Variants in MAPKBP1 observed in about 807,000 individuals in gnomAD.
MAPKBP1 encodes the protein mitogen-activated protein kinase-binding protein 1.
MAPKBP1 carries 71 observed loss-of-function variants against 170.5 expected under a neutral mutation model. The observed-to-expected ratio is 0.42, with a 90% CI of 0.34 to 0.51. The LOEUF (loss-of-function observed/expected upper bound fraction) is 0.51. Ranked by LOEUF, MAPKBP1 falls within the 20% of genes least tolerant of loss-of-function variation. The probability of loss-of-function intolerance (pLI) is 0.06; values close to 1 mark genes in which losing one functional copy is unlikely to be tolerated. For missense variants in MAPKBP1, 1,598 were observed against 1,933.0 expected (o/e 0.83, Z 3.25); for synonymous variants, 719 against 757.9 (o/e 0.95, Z 0.84).
chr15:41,792,522 G>T (rs1406445121), intron 2 of MAPKBP1, among the ~76,000 whole-genome samples: 1 of 152,218 alleles, frequency 6.6e-6, no homozygotes, highest in Non-Finnish European at 1.5e-5. Context: ...TGCATTCTGG[G>T]TGTGGAGGAG....
At position 41,825,570 on chromosome 15, in the gene MAPKBP1, C is replaced by A; in HGVS notation, c.*134C>A. The A allele has an allele frequency of 1.4e-6, 1 of 696,082 alleles. No homozygotes were observed. Among genetic ancestry groups the A allele is most frequent in the Non-Finnish European group, 2.3e-6 (1 of 432,050 alleles). 43.1% of individuals were successfully genotyped at this position (696,082 alleles called of 1,614,324 possible). A position where few individuals can be genotyped will look rare whatever the true frequency, so the allele number is the denominator to read the frequency against. On this transcript the variant is annotated 3_prime_UTR_variant, in exon 31 of 31. Transcript: ENST00000457542. ...AGTGTTCAGAGGCAAAGCAGCCTTC[C>A]CAGCCGCTCCTCGTGGGGGGCCTGT...
At position 41,813,106 on chromosome 15, in the gene MAPKBP1, G is replaced by T; in HGVS notation, c.819+5G>T. 6.3e-7 allele frequency: 1 copy of T among 1,595,580 alleles called. No homozygotes were observed. The highest frequency in any genetic ancestry group is 8.5e-7 in the Non-Finnish European group (1 of 1,170,862). On this transcript the variant is annotated splice_donor_5th_base_variant and intron_variant, in intron 8 of 30. Coordinates refer to ENST00000457542, the MANE Select transcript of MAPKBP1 (RefSeq NM_014994.3). ...GACAAGTGGGTGGAGCTGAGGGTAAGTACCTCCGTCCCCAGGGGTAGGGTC... is the reference window on the plus strand; with the variant it reads ...GACAAGTGGGTGGAGCTGAGGGTAATTACCTCCGTCCCCAGGGGTAGGGTC...
At position 41,825,201 on chromosome 15, in the gene MAPKBP1, T is replaced by C; in HGVS notation, c.4300-8T>C. 6 of 1,574,596 alleles carry C rather than the reference T, an allele frequency of 3.8e-6. No homozygotes were observed. The highest frequency in any genetic ancestry group is 5.2e-6 in the Non-Finnish European group (6 of 1,153,016). ...TCCTCCACCTCACTTCTGGGGGTGC[T>C]ATTTCAGGTGGCTGGCTGCAAGATG... is the stretch of plus-strand genomic sequence containing the variant. On this transcript the variant is annotated splice_polypyrimidine_tract_variant and splice_region_variant and intron_variant, in intron 30 of 30. Transcript: ENST00000457542.
chr15:41,797,560 C>T (rs1293255791), intron 2 of MAPKBP1, among the ~76,000 whole-genome samples: 1 of 152,110 alleles, frequency 6.6e-6, no homozygotes. Context: ...GCTCTCCAGT[C>T]AGTAATAGGT....
intron 22 of MAPKBP1, among the ~76,000 whole-genome samples, chr15:41,820,271 G>A (rs940423150): frequency 5.9e-5 from 9 of 152,162 alleles, no homozygotes; most frequent in East Asian, 1.9e-4. Context: ...CACCCTGACC[G>A]GGCCAGGGGT....
At chr15:41,796,005 A>G (rs1208746382) in intron 2 of MAPKBP1, among the ~76,000 whole-genome samples, 2 of 152,232 alleles carry the variant, frequency 1.3e-5, no homozygotes, top group Non-Finnish European at 1.5e-5. Context: ...TGGGTGTTAC[A>G]GTCCAAGTGA....
intron 2 of MAPKBP1, among the ~76,000 whole-genome samples, chr15:41,798,217 T>C (rs1596075434): frequency 8.6e-6 from 1 of 116,462 alleles, no homozygotes; most frequent in African/African-American, 3.4e-5. Flanking sequence ...GCCACTGCAC[T>C]CCAGCCTGGG....
At chr15:41,800,557 ACTC>A (rs1298994222) in intron 3 of MAPKBP1, among the ~76,000 whole-genome samples, 2 of 151,876 alleles carry the variant, frequency 1.3e-5, no homozygotes, top group Non-Finnish European at 2.9e-5. Flanking sequence ...CTGGTGTTGA[ACTC>A]CTGAGCTCAA....
Position 41,825,739 on chromosome 15 carries a change from T to G in MAPKBP1, c.*303T>G. The G allele has an allele frequency of 3.1e-6, 1 of 325,158 alleles. No individual in the cohort carries two copies. Among genetic ancestry groups the G allele is most frequent in the Non-Finnish European group, 5.7e-6 (1 of 175,526 alleles). The allele number at this position is 325,158 out of a possible 1,614,324, so 20.1% of individuals were successfully genotyped here. ...GAGGGCAGCCTGCCCCATCTAGGAA[T>G]CTGGGAAGGGCTGGCCCTCTCTTAG... On this transcript the variant is annotated 3_prime_UTR_variant, in exon 31 of 31. Transcript: ENST00000457542.
In MAPKBP1 at chr15:41,802,324, A is replaced by G. The variant is rs568667455; in HGVS notation, c.206+2410A>G. Among the ~76,000 whole-genome samples, 21 of 152,260 alleles carry G rather than the reference A, an allele frequency of 1.4e-4. No homozygotes were observed. In the South Asian group the frequency reaches 4.4e-3, roughly 32 times the overall value. On this transcript the variant is annotated intron_variant, in intron 3 of 30. Transcript: ENST00000457542. ...AAACACTGTACACTTGGCCATACTAAATTTATTTTAAAAACATACATTCAA... is the reference window on the plus strand; with the variant it reads ...AAACACTGTACACTTGGCCATACTAGATTTATTTTAAAAACATACATTCAA...
chr15:41,827,845 T>C lies in MAPKBP1; in HGVS notation c.*2409T>C, dbSNP rs778574795. The stretch of plus-strand genomic sequence containing the variant: ...TGTATGAACTTGTCAATAAACACAA[T>C]TGTTTGTTAACCCTGGGATGCCGGC... On this transcript the variant is annotated 3_prime_UTR_variant, in exon 31 of 31. Coordinates refer to ENST00000457542, the MANE Select transcript of MAPKBP1 (RefSeq NM_014994.3). The C allele has an allele frequency of 3.9e-5, 16 of 406,942 alleles. No individual in the cohort carries two copies. The highest frequency in any genetic ancestry group is 7.0e-5 in the Non-Finnish European group (16 of 230,142). The allele number at this position is 406,942 out of a possible 1,614,324, so 25.2% of individuals were successfully genotyped here. A position where few individuals can be genotyped will look rare whatever the true frequency, so the allele number is the denominator to read the frequency against.
chr15:41,810,327 G>T (rs1211168845), intron 3 of MAPKBP1, among the ~76,000 whole-genome samples: 1 of 152,090 alleles, frequency 6.6e-6, no homozygotes, highest in Non-Finnish European at 1.5e-5. Context: ...GGGCCTGGCT[G>T]GGGGGACAGG....
Position 41,825,510 on chromosome 15 carries a change from A to G in MAPKBP1, c.*74A>G. ...TGCAGCCCCTCTGCCCCTCACCAAA[A>G]CCTGCGGGGCTGCTTGGAGTGGAAA... On this transcript the variant is annotated 3_prime_UTR_variant, in exon 31 of 31. Transcript: ENST00000457542. The G allele has an allele frequency of 2.2e-6, 3 of 1,337,334 alleles. No homozygotes were observed. Among genetic ancestry groups the G allele is most frequent in the Non-Finnish European group, 3.1e-6 (3 of 979,382 alleles). The allele number at this position is 1,337,334 out of a possible 1,614,324, so 82.8% of individuals were successfully genotyped here. A position where few individuals can be genotyped will look rare whatever the true frequency, so the allele number is the denominator to read the frequency against.
chr15:41,787,407 G>T (rs756064048), intron 2 of MAPKBP1, among the ~76,000 whole-genome samples: 1 of 151,522 alleles, frequency 6.6e-6, no homozygotes, highest in Non-Finnish European at 1.5e-5. Flanking sequence ...TCGCTCTGTC[G>T]CCCAGGCTAG....
chr15:41,821,491 G>T, intron 23 of MAPKBP1, 93 bp from the exon 24 acceptor site: 1 of 1,187,464 alleles, frequency 8.4e-7, no homozygotes, highest in Non-Finnish European at 1.2e-6. Flanking sequence ...CCAAGGGGAG[G>T]GTTGGCCCCC....
Position 41,811,109 on chromosome 15 carries a change from G to C in MAPKBP1, c.270-69G>C, listed in dbSNP as rs943138041. The C allele has an allele frequency of 5.7e-6, 9 of 1,590,582 alleles. No individual in the cohort carries two copies. In the African/African-American group the frequency reaches 1.2e-4, roughly 21 times the overall value. On this transcript the variant is annotated intron_variant, in intron 4 of 30. Coordinates refer to ENST00000457542, the MANE Select transcript of MAPKBP1 (RefSeq NM_014994.3). Reference sequence around the variant, plus strand: ...GGTGTCTGCTGGTCTCACCTTTTGAGAGGCTGGGAGGGGGCTAGGCTTAGG... The same window carrying C: ...GGTGTCTGCTGGTCTCACCTTTTGACAGGCTGGGAGGGGGCTAGGCTTAGG...
rs1567152868 is a variant in MAPKBP1, at chr15:41,818,786, T to C, written c.2157-37T>C. ...AACGAATGGCGCTAGCCATTCTACC[T>C]GCCCCTCCTTCAGCCAACTGTGTGG... On this transcript the variant is annotated intron_variant, in intron 19 of 30. Transcript: ENST00000457542. The surrounding 1 kb of genome is among the most constrained non-coding windows in gnomAD (Gnocchi z 5.2). 6.2e-7 allele frequency: 1 copy of C among 1,610,548 alleles called. No individual in the cohort carries two copies. The highest frequency in any genetic ancestry group is 1.1e-5 in the South Asian group (1 of 91,014).
chr15:41,798,178 A>G (rs1596075379), intron 2 of MAPKBP1, among the ~76,000 whole-genome samples: 2 of 129,898 alleles, frequency 1.5e-5, no homozygotes, highest in African/African-American at 5.9e-5. Context: ...TGAACCCGGG[A>G]GGTGGAGCTT....
rs2064941102 is a variant in MAPKBP1 at position 41,819,027 on chromosome 15, T to C, written c.2291+70T>C. 3 of 1,591,660 alleles carry C rather than the reference T, an allele frequency of 1.9e-6. No individual in the cohort carries two copies. In the Admixed American group the frequency reaches 5.1e-5, roughly 27 times the overall value. On this transcript the variant is annotated intron_variant, in intron 20 of 30. Coordinates refer to ENST00000457542, the MANE Select transcript of MAPKBP1 (RefSeq NM_014994.3). ...CTTGCTGGGACCTCACTGCACTTCC[T>C]CCATGCTTTGGGCCTGCCATTCAGC...
Sources: gnomAD v4.1 joint callset for allele counts (sites outside exome capture counted in the v4.1 genomes callset) on GRCh38, gnomAD v4.1.1 for gene constraint, Gnocchi (gnomAD v3.1) non-coding constraint, MANE v1.5 for transcripts, NCBI Gene and HGNC (gene_info 2026-07-23, HGNC 2026-07-21) for gene names.